The following NCKAP5 variants were observed in gnomAD, a reference collection of about 807,000 sequenced individuals.
NCKAP5 encodes the protein NCK associated protein 5, also known as nck-associated protein 5.
NCKAP5 carries 92 observed loss-of-function variants against 167.0 expected under a neutral mutation model. The observed-to-expected ratio is 0.55, with a 90% CI of 0.47 to 0.66. The LOEUF is 0.66. NCKAP5 is among the 30% of genes least tolerant of loss of function. The pLI is 0.00. For missense variants in NCKAP5, 2,378 were observed against 2,315.0 expected, an observed-to-expected ratio of 1.03 and a Z score of -0.56; for synonymous variants, 891 against 877.4, an observed-to-expected ratio of 1.02 and a Z score of -0.27.
intron 11 of NCKAP5, among the ~76,000 whole-genome samples, chr2:132,857,246 A>G (rs1199316023): frequency 6.6e-6 from 1 of 152,120 alleles, no homozygotes; most frequent in Non-Finnish European, 1.5e-5. Flanking sequence ...TTCCTTAACA[A>G]TGGTACAGGA....
chr2:132,978,967 TG>T (rs2077054323), intron 7 of NCKAP5, among the ~76,000 whole-genome samples: 1 of 152,150 alleles, frequency 6.6e-6, no homozygotes, highest in Non-Finnish European at 1.5e-5. Flanking sequence ...GAAGCAATTA[TG>T]GTTTGGGCCA....
At position 133,100,987 on chromosome 2, in the gene NCKAP5, T is replaced by C. The variant is rs972514274; in HGVS notation, c.341+28991A>G. Among the ~76,000 whole-genome samples, 8 of 152,174 alleles carry C rather than the reference T, an allele frequency of 5.3e-5. No homozygotes were observed. In the East Asian group the frequency reaches 1.5e-3, roughly 29 times the overall value. On this transcript the variant is annotated intron_variant, in intron 6 of 19. Transcript: ENST00000409261. The stretch of plus-strand genomic sequence containing the variant: ...CATGAAGTCCTTGCCCACACCTATG[T>C]CCTGAATGGTAATGCCTAGGTTTTC...
intron 3 of NCKAP5, among the ~76,000 whole-genome samples, chr2:133,471,000 C>G (rs1471241333): frequency 6.6e-6 from 1 of 152,258 alleles, no homozygotes; most frequent in Non-Finnish European, 1.5e-5. Flanking sequence ...GAGCTGTAGA[C>G]TGGAGCTGTT....
intron 4 of NCKAP5, among the ~76,000 whole-genome samples, chr2:133,270,040 A>C (rs2089438271): frequency 6.6e-6 from 1 of 152,226 alleles, no homozygotes; most frequent in Non-Finnish European, 1.5e-5. Context: ...TGGAAGAATC[A>C]GCTTATATGG....
intron 5 of NCKAP5, among the ~76,000 whole-genome samples, chr2:133,185,419 G>A (rs535941123): frequency 3.7e-4 from 57 of 152,024 alleles, no homozygotes; most frequent in African/African-American, 1.3e-3. Flanking sequence ...TGCTTCTTTT[G>A]CTCCAGAATT....
chr2:133,371,553 T>C (rs776114332), intron 3 of NCKAP5, among the ~76,000 whole-genome samples: 11 of 152,212 alleles, frequency 7.2e-5, no homozygotes, highest in Non-Finnish European at 1.3e-4. Context: ...GTTACCTAGA[T>C]AATAGTCACA....
At chr2:133,091,626 G>A (rs1047193582) in intron 6 of NCKAP5, among the ~76,000 whole-genome samples, 12 of 152,210 alleles carry the variant, frequency 7.9e-5, no homozygotes, top group East Asian at 1.9e-4. Flanking sequence ...AGTGGCTCCC[G>A]CCTGTAATCC....
At chr2:132,835,276 C>CT (rs1434058911) in intron 11 of NCKAP5, among the ~76,000 whole-genome samples, 3 of 151,992 alleles carry the variant, frequency 2.0e-5, no homozygotes, top group Non-Finnish European at 4.4e-5. Context: ...ATAGTTCTCT[C>CT]TTTTTTTGTT....
In NCKAP5 at chr2:133,420,877, C is replaced by T. The variant is rs552008822; in HGVS notation, c.69+96581G>A. Among the ~76,000 whole-genome samples the T allele has an allele frequency of 2.0e-5, 3 of 152,284 alleles. No homozygotes were observed. In the East Asian group the frequency reaches 5.8e-4, roughly 29 times the overall value. On this transcript the variant is annotated intron_variant, in intron 3 of 19. Transcript: ENST00000409261. ...TTGACTCTCAAACAGCCTGCCTCGC[C>T]CCACTGCTGCTCAGCAGTCACGCAG... is the stretch of plus-strand genomic sequence containing the variant.
intron 4 of NCKAP5, among the ~76,000 whole-genome samples, chr2:133,235,227 A>G (rs1327995144): frequency 1.3e-5 from 2 of 152,064 alleles, no homozygotes; most frequent in Admixed American, 6.5e-5. Flanking sequence ...TGATGCCTTC[A>G]CTGTCCCTTG....
At chr2:133,577,088 C>T in the NCKAP5 span, among the ~76,000 whole-genome samples, 3 of 152,194 alleles carry the variant, frequency 2.0e-5, no homozygotes, top group Non-Finnish European at 4.4e-5. Context: ...CCACCCCCAA[C>T]ATCAAACTTC....
At chr2:133,209,486 A>C (rs2086110479) in intron 5 of NCKAP5, among the ~76,000 whole-genome samples, 1 of 151,542 alleles carries the variant, frequency 6.6e-6, no homozygotes, top group African/African-American at 2.4e-5. Context: ...GTGAAGTAAC[A>C]TGTCCAAGCT....
chr2:132,781,862 T>G (rs1683060563), intron 14 of NCKAP5, 78 bp downstream of exon 14: 3 of 1,394,160 alleles, frequency 2.2e-6, no homozygotes, highest in East Asian at 2.3e-5. Flanking sequence ...TGGCCTTTAA[T>G]GCACAGGAAG....
At chr2:133,223,878 T>C (rs2086767927) in intron 4 of NCKAP5, among the ~76,000 whole-genome samples, 1 of 152,196 alleles carries the variant, frequency 6.6e-6, no homozygotes, top group Admixed American at 6.5e-5. Context: ...AATTGCACTA[T>C]GCCAATTAAG....
chr2:133,204,904 C>T (rs890945916), intron 5 of NCKAP5, among the ~76,000 whole-genome samples: 2 of 152,192 alleles, frequency 1.3e-5, no homozygotes, highest in Non-Finnish European at 2.9e-5. Flanking sequence ...TACCAGCTAG[C>T]TTTGCATATT....
Position 132,725,651 on chromosome 2 carries a change from T to A in NCKAP5, c.5689A>T (p.Lys1897Ter), listed in dbSNP as rs769664836. Residue 1897 changes from lysine to a stop codon, truncating the protein, a stop_gained, in exon 19 of 20, where the codon AAA becomes TAA. Coordinates refer to ENST00000409261, the MANE Select transcript of NCKAP5 (RefSeq NM_207363.3). LOFTEE classifies it high-confidence loss of function. ...CCTGGGGCAGCGCTCTTCAGTGCTT[T>A]CACTAACTGTCCCCTTCCAGCTCCA... The part of the protein sequence containing the change: ...GFGAGRGQLV[K>*]ALKSAAPEIE... 1.2e-6 allele frequency: 2 copies of A among 1,611,714 alleles called. No homozygotes were observed. Among genetic ancestry groups the A allele is most frequent in the South Asian group, 2.2e-5 (2 of 90,340 alleles).
At chr2:133,311,576 T>G (rs1427251051) in intron 3 of NCKAP5, among the ~76,000 whole-genome samples, 1 of 152,154 alleles carries the variant, frequency 6.6e-6, no homozygotes, top group Non-Finnish European at 1.5e-5. Context: ...TAATCACATG[T>G]TTGGCTCTCC....
At chr2:132,756,639 G>C (rs1436582690) in intron 16 of NCKAP5, among the ~76,000 whole-genome samples, 1 of 151,474 alleles carries the variant, frequency 6.6e-6, no homozygotes, top group Non-Finnish European at 1.5e-5. Flanking sequence ...GAAAGGGACT[G>C]ATTTATTTAA....
chr2:133,352,656 C>T (rs1319413596), intron 3 of NCKAP5, among the ~76,000 whole-genome samples: 1 of 152,250 alleles, frequency 6.6e-6, no homozygotes, highest in South Asian at 2.1e-4. Context: ...GATGGGTGGA[C>T]TGAGGGCTGA....
Sources: gnomAD v4.1 joint callset for allele counts (sites outside exome capture counted in the v4.1 genomes callset) on GRCh38, gnomAD v4.1.1 for gene constraint, MANE v1.5 for transcripts, NCBI Gene and HGNC (gene_info 2026-07-23, HGNC 2026-07-21) for gene names.